SLC8A1: variants seen among roughly 807,000 people sequenced by gnomAD.
SLC8A1 encodes sodium/calcium exchanger 1.
SLC8A1 carries 18 observed loss-of-function variants against 68.3 expected under a neutral mutation model. The observed-to-expected ratio is 0.26, with a 90% CI of 0.18 to 0.39. The LOEUF is 0.39. Among genes scored for constraint, SLC8A1 ranks in the 10% least tolerant of loss-of-function variants. The probability of loss-of-function intolerance (pLI) is 1.00; values close to 1 mark genes in which losing one functional copy is unlikely to be tolerated. For synonymous variants in SLC8A1, 475 were observed against 415.5 expected (o/e 1.14, Z -1.74); for missense variants, 985 against 1,156.7 (o/e 0.85, Z 2.15).
exon 8 of SLC8A1, chr2:40,098,090 C>A (rs995023622): frequency 1.3e-5 from 2 of 151,830 alleles, no homozygotes; most frequent in African/African-American, 4.8e-5. Context: ...TTTCTAATTT[C>A]TTCACTAGCA....
intron 2 of SLC8A1, among the ~76,000 whole-genome samples, chr2:40,353,211 C>T (rs979354289): frequency 4.6e-5 from 7 of 152,152 alleles, no homozygotes; most frequent in African/African-American, 1.7e-4. Context: ...CTCCTGCCTG[C>T]TCAAATTTTG....
At chr2:40,309,997 C>G (rs1273634186) in intron 2 of SLC8A1, among the ~76,000 whole-genome samples, 1 of 152,160 alleles carries the variant, frequency 6.6e-6, no homozygotes, top group Non-Finnish European at 1.5e-5. Context: ...TCCCCTCAGC[C>G]CCTGGCAATC....
At chr2:40,279,564 A>G (rs1349177528) in intron 2 of SLC8A1, among the ~76,000 whole-genome samples, 1 of 152,198 alleles carries the variant, frequency 6.6e-6, no homozygotes, top group Non-Finnish European at 1.5e-5. Context: ...TATTAAGGCA[A>G]ACCAACCAAC....
chr2:40,451,493 T>C (rs1377435456), intron 1 of SLC8A1, among the ~76,000 whole-genome samples: 2 of 152,072 alleles, frequency 1.3e-5, no homozygotes, highest in South Asian at 2.1e-4. Flanking sequence ...AAGAGTCCAG[T>C]GGGTGGGGAC....
rs78737849 is a variant in SLC8A1 at position 40,241,498 on chromosome 2, A to T, written c.1809-63643T>A. 9.2e-5 allele frequency among the ~76,000 whole-genome samples: 14 copies of T among 152,308 alleles called. 1 individual carries two copies. The East Asian group carries it at 2.7e-3, about 29-fold the overall frequency. On this transcript the variant is annotated intron_variant, in intron 2 of 7. Coordinates refer to ENST00000406785, the Ensembl canonical transcript of SLC8A1. ...ATAAAAGTTGAAATTTAAATAATAA[A>T]TTCCTTCCTCACAGGTATTAAAAAG... is the stretch of plus-strand genomic sequence containing the variant.
At chr2:40,140,856 G>T (rs938582272) in intron 6 of SLC8A1, among the ~76,000 whole-genome samples, 9 of 151,962 alleles carry the variant, frequency 5.9e-5, no homozygotes, top group Admixed American at 3.3e-4. Flanking sequence ...TCACAATTTT[G>T]CCAATTAAGT....
At chr2:40,157,967 G>A (rs1442888488) in intron 6 of SLC8A1, among the ~76,000 whole-genome samples, 1 of 152,180 alleles carries the variant, frequency 6.6e-6, no homozygotes, top group African/African-American at 2.4e-5. Flanking sequence ...AAAAAGCAGA[G>A]GGACAAGAAG....
chr2:40,491,431 C>G (rs533085285), intron 1 of SLC8A1, among the ~76,000 whole-genome samples: 2 of 152,240 alleles, frequency 1.3e-5, no homozygotes, highest in African/African-American at 4.8e-5. Flanking sequence ...CATCTGCAAA[C>G]AGGGACAGTT....
At chr2:40,155,939 C>T (rs2044390461) in intron 6 of SLC8A1, among the ~76,000 whole-genome samples, 1 of 152,176 alleles carries the variant, frequency 6.6e-6, no homozygotes, top group South Asian at 2.1e-4. Flanking sequence ...TAGAAGATTC[C>T]ACTGGCATTC....
chr2:40,299,491 A>G (rs2149261194), intron 2 of SLC8A1, among the ~76,000 whole-genome samples: 1 of 152,198 alleles, frequency 6.6e-6, no homozygotes, highest in Non-Finnish European at 1.5e-5. Flanking sequence ...GCCCTGGAAG[A>G]TCTGTTCTGA....
chr2:40,486,333 A>G (rs1704965420), intron 1 of SLC8A1, among the ~76,000 whole-genome samples: 1 of 152,194 alleles, frequency 6.6e-6, no homozygotes, highest in South Asian at 2.1e-4. Context: ...GAAAAAATAC[A>G]CTTATGATAC....
intron 6 of SLC8A1, among the ~76,000 whole-genome samples, chr2:40,140,063 T>C (rs1035365302): frequency 6.6e-6 from 1 of 152,128 alleles, no homozygotes; most frequent in Non-Finnish European, 1.5e-5. Context: ...AAGAAAACTA[T>C]AGATGGAGTT....
At chr2:40,369,569 A>G (rs948207826) in intron 2 of SLC8A1, among the ~76,000 whole-genome samples, 4 of 152,098 alleles carry the variant, frequency 2.6e-5, no homozygotes, top group African/African-American at 9.6e-5. Context: ...GTCAAATCTT[A>G]GTTGTTTAAA....
At chr2:40,494,167 C>T (rs1705521870) in intron 1 of SLC8A1, among the ~76,000 whole-genome samples, 2 of 152,044 alleles carry the variant, frequency 1.3e-5, no homozygotes, top group South Asian at 4.2e-4. Flanking sequence ...GGCTGTCCCA[C>T]TTCCATGTGG....
At chr2:40,156,869 C>T (rs2044629060) in intron 6 of SLC8A1, among the ~76,000 whole-genome samples, 2 of 152,124 alleles carry the variant, frequency 1.3e-5, no homozygotes, top group African/African-American at 2.4e-5. Flanking sequence ...TCTCTGCGTA[C>T]CTGTGTATAC....
intron 1 of SLC8A1, among the ~76,000 whole-genome samples, chr2:40,500,646 A>G (rs565382354): frequency 1.3e-5 from 2 of 152,078 alleles, no homozygotes; most frequent in South Asian, 4.1e-4. Flanking sequence ...GGGAAAACAT[A>G]TGTCTCCATT....
intron 2 of SLC8A1, among the ~76,000 whole-genome samples, chr2:40,409,952 G>A (rs577846307): frequency 2.0e-5 from 3 of 151,866 alleles, no homozygotes; most frequent in South Asian, 4.2e-4. Context: ...TTCTGTGAGC[G>A]AGTTTAAAAT....
rs138450525 is a variant in SLC8A1 at position 40,373,029 on chromosome 2, AG to A, written c.1808+55443del. Reference sequence around the variant, plus strand: ...CGTCAAAATGTACCCAACCAACTTAAGGGGGAAAAAAAAATTCAAACTATGT... The same window carrying A: ...CGTCAAAATGTACCCAACCAACTTAAGGGGAAAAAAAAATTCAAACTATGT... On this transcript the variant is annotated intron_variant, in intron 2 of 7. Coordinates refer to ENST00000406785, the Ensembl canonical transcript of SLC8A1. 1.2e-4 allele frequency among the ~76,000 whole-genome samples: 18 copies of A among 144,018 alleles called. 1 individual carries two copies. Among genetic ancestry groups the A allele is most frequent in the East Asian group, 7.9e-4 (4 of 5,070 alleles). 94.5% of individuals were successfully genotyped at this position (144,018 alleles called of 152,430 possible).
At chr2:40,203,839 G>C (rs1574011452) in intron 2 of SLC8A1, among the ~76,000 whole-genome samples, 2 of 151,616 alleles carry the variant, frequency 1.3e-5, no homozygotes, top group Non-Finnish European at 2.9e-5. Context: ...GGAGTAGCTG[G>C]GACTACATGC....
Sources: allele counts gnomAD v4.1 joint callset (sites outside exome capture counted in the v4.1 genomes callset), GRCh38; gene constraint gnomAD v4.1.1; transcripts MANE v1.5; gene names NCBI Gene and HGNC (gene_info 2026-07-23, HGNC 2026-07-21).